The following AGO1 variants were observed in gnomAD, a reference collection of about 807,000 sequenced individuals.
The protein encoded by AGO1 is argonaute RISC component 1, also known as protein argonaute-1.
In AGO1, 11 loss-of-function variants were observed where a neutral mutation model predicts 109.2. The observed-to-expected ratio is 0.10, with a 90% confidence interval of 0.06 to 0.17. The LOEUF (loss-of-function observed/expected upper bound fraction) is 0.17, where lower values mean the gene tolerates loss of function less well. Among genes scored for constraint, AGO1 ranks in the 10% least tolerant of loss-of-function variants. The pLI is 1.00. For missense variants in AGO1, 574 were observed against 1,140.3 expected (o/e 0.50, Z 7.15); for synonymous variants, 422 against 418.6 (o/e 1.01, Z -0.10).
chr1:35,895,286 A>G lies in AGO1; in HGVS notation c.1020+17A>G. Reference sequence around the variant, plus strand: ...CCCCTAGAGGTGAGATTGCCAAGTAATGGCTGGGGAATAGGCATTGTATAT... The same window carrying G: ...CCCCTAGAGGTGAGATTGCCAAGTAGTGGCTGGGGAATAGGCATTGTATAT... On this transcript the variant is annotated intron_variant, in intron 8 of 18. Transcript: ENST00000373204. 1.2e-6 allele frequency: 2 copies of G among 1,609,132 alleles called. No individual in the cohort carries two copies. The highest frequency in any genetic ancestry group is 1.7e-6 in the Non-Finnish European group (2 of 1,177,218).
At chr1:35,878,726 C>T (rs998763592), upstream of AGO1, among the ~76,000 whole-genome samples, 1 of 152,172 alleles carries the variant, frequency 6.6e-6, no homozygotes, top group African/African-American at 2.4e-5. Flanking sequence ...ATACAAATCA[C>T]ATACATCTCA....
chr1:35,919,777 G>C lies in AGO1; in HGVS notation c.*170G>C, dbSNP rs1645799010. 2 of 598,208 alleles carry C rather than the reference G, an allele frequency of 3.3e-6. No homozygotes were observed. The highest frequency in any genetic ancestry group is 5.8e-6 in the Non-Finnish European group (2 of 343,208). The allele number at this position is 598,208 out of a possible 1,614,324, so 37.1% of individuals were successfully genotyped here. A position where few individuals can be genotyped will look rare whatever the true frequency, so the allele number is the denominator to read the frequency against. ...TAAGAGTGGGGAACAGGGCCAGCAA[G>C]ACAGACCACCAGCCAGAAATCTCTG... On this transcript the variant is annotated 3_prime_UTR_variant, in exon 19 of 19. Coordinates refer to ENST00000373204, the MANE Select transcript of AGO1 (RefSeq NM_012199.5). This position sits in a 1 kb window ranked among gnomAD's most constrained non-coding sequence, Gnocchi z 6.6.
At chr1:35,889,197 T>TC (rs1429259620) in intron 2 of AGO1, among the ~76,000 whole-genome samples, 1 of 151,424 alleles carries the variant, frequency 6.6e-6, no homozygotes, top group Non-Finnish European at 1.5e-5. Context: ...TTTTTTTTTT[T>TC]TTTTTTGAGA....
At chr1:35,889,345 G>T (rs1408088933) in intron 2 of AGO1, among the ~76,000 whole-genome samples, 1 of 151,518 alleles carries the variant, frequency 6.6e-6, no homozygotes, top group East Asian at 2.0e-4. Context: ...TCCTAACTGG[G>T]ATTACAGGCA....
At chr1:35,909,580 G>A (rs1455642452) in intron 12 of AGO1, among the ~76,000 whole-genome samples, 1 of 152,116 alleles carries the variant, frequency 6.6e-6, no homozygotes, top group South Asian at 2.1e-4. Context: ...TTAATACCCA[G>A]TTTAAATACT....
chr1:35,924,755 C>T lies in AGO1; in HGVS notation c.*5148C>T, dbSNP rs979226030. Reference sequence around the variant, plus strand: ...ATAGGAGTGTGTTGGGACATTCTGCCAGTCAAGATGGGGGTGACGGGGAGA... The same window carrying T: ...ATAGGAGTGTGTTGGGACATTCTGCTAGTCAAGATGGGGGTGACGGGGAGA... On this transcript the variant is annotated 3_prime_UTR_variant, in exon 19 of 19. Transcript: ENST00000373204. 1.3e-5 allele frequency: 2 copies of T among 152,130 alleles called. No individual in the cohort carries two copies. Among genetic ancestry groups the T allele is most frequent in the Non-Finnish European group, 2.9e-5 (2 of 68,054 alleles). 9.4% of individuals were successfully genotyped at this position (152,130 alleles called of 1,614,324 possible). A position where few individuals can be genotyped will look rare whatever the true frequency, so the allele number is the denominator to read the frequency against.
At position 35,902,017 on chromosome 1, in the gene AGO1, A is replaced by T. The variant is rs1645425456; in HGVS notation, c.1210A>T (p.Thr404Ser). 7 of 1,612,110 alleles carry T rather than the reference A, an allele frequency of 4.3e-6. No homozygotes were observed. Among genetic ancestry groups the T allele is most frequent in the Non-Finnish European group, 5.9e-6 (7 of 1,179,126 alleles). ...TGGGATCAAAGTGAAGGATGACATG[A>T]CGGAGGTGACAGGGCGAGTGCTGCC... ...EFGIKVKDDM[T>S]EVTGRVLPAP... Residue 404 changes from threonine (T) to serine (S), a missense_variant, in exon 10 of 19, where the codon ACG (threonine) becomes TCG (serine). This residue lies in a region of AGO1 where 106 missense variants were observed against 147.8 expected (regional missense o/e 0.72). Coordinates refer to ENST00000373204, the MANE Select transcript of AGO1 (RefSeq NM_012199.5).
At position 35,922,944 on chromosome 1, in the gene AGO1, G is replaced by A. The variant is rs1403969851; in HGVS notation, c.*3337G>A. On this transcript the variant is annotated 3_prime_UTR_variant, in exon 19 of 19. Coordinates refer to ENST00000373204, the MANE Select transcript of AGO1 (RefSeq NM_012199.5). ...GCCTGGCTTTTCTGAGATTGTCTTA[G>A]GGTTGAGCTATTTGGGTATCCTGGG... is the stretch of plus-strand genomic sequence containing the variant. The A allele has an allele frequency of 6.6e-6, 1 of 152,302 alleles. No individual in the cohort carries two copies. The highest frequency in any genetic ancestry group is 1.5e-5 in the Non-Finnish European group (1 of 68,148). 9.4% of individuals were successfully genotyped at this position (152,302 alleles called of 1,614,324 possible).
At chr1:35,889,661 T>A (rs1645181767) in intron 2 of AGO1, among the ~76,000 whole-genome samples, 1 of 152,028 alleles carries the variant, frequency 6.6e-6, no homozygotes, top group African/African-American at 2.4e-5. Context: ...TTACCTTTTT[T>A]TCTTTTTGAG....
intron 17 of AGO1, 30 bp downstream of exon 17, chr1:35,918,453 G>GT: frequency 6.5e-7 from 1 of 1,537,592 alleles, no homozygotes; most frequent in Non-Finnish European, 9.0e-7. Flanking sequence ...TGGTTCCAAT[G>GT]GGTCAAAGAT....
intron 2 of AGO1, among the ~76,000 whole-genome samples, chr1:35,890,908 G>A (rs1003122068): frequency 1.3e-5 from 2 of 152,126 alleles, no homozygotes; most frequent in South Asian, 2.1e-4. Context: ...TAAAAATAAT[G>A]TATGGAAGGG....
rs1423532922 is a variant in AGO1, at chr1:35,918,414, A to G, written c.2256A>G (p.Ala752=). ...FEFDFYLCSH[A]GIQGTSRPSH... The stretch of plus-strand genomic sequence containing the variant: ...TTGACTTCTATCTGTGCAGCCACGC[A>G]GGCATCCAGGTAGCTGGGCTTTATC... Residue 752 remains alanine, a synonymous_variant, in exon 17 of 19, where the codon GCA becomes GCG. Transcript: ENST00000373204. The G allele has an allele frequency of 1.2e-6, 2 of 1,613,478 alleles. No individual in the cohort carries two copies. The highest frequency in any genetic ancestry group is 8.5e-7 in the Non-Finnish European group (1 of 1,179,476).
rs538991257 is a variant in AGO1, at chr1:35,926,539, C to A, written c.*6932C>A. ...CGAAAGAGTTAGTGCAAGGAAAAGCCTAGTTGGAATTTCTGAGTCTGGGCC... is the reference window on the plus strand; with the variant it reads ...CGAAAGAGTTAGTGCAAGGAAAAGCATAGTTGGAATTTCTGAGTCTGGGCC... On this transcript the variant is annotated 3_prime_UTR_variant, in exon 19 of 19. Coordinates refer to ENST00000373204, the MANE Select transcript of AGO1 (RefSeq NM_012199.5). 2 of 152,292 alleles carry A rather than the reference C, an allele frequency of 1.3e-5. No homozygotes were observed. The highest frequency in any genetic ancestry group is 4.1e-4 in the South Asian group (2 of 4,828). The allele number at this position is 152,292 out of a possible 1,614,324, so 9.4% of individuals were successfully genotyped here. A position where few individuals can be genotyped will look rare whatever the true frequency, so the allele number is the denominator to read the frequency against.
At chr1:35,907,307 C>T (rs1435538838) in intron 12 of AGO1, among the ~76,000 whole-genome samples, 188 bp downstream of exon 12, 1 of 152,072 alleles carries the variant, frequency 6.6e-6, no homozygotes, top group African/African-American at 2.4e-5. Context: ...TAATTACCTG[C>T]ACACACTCCT....
chr1:35,905,104 T>C (rs1008122543), intron 11 of AGO1, among the ~76,000 whole-genome samples: 6 of 152,224 alleles, frequency 3.9e-5, no homozygotes, highest in African/African-American at 1.4e-4. Flanking sequence ...GCCCCCAGCA[T>C]TGGACACAGT....
Position 35,927,228 on chromosome 1 carries a change from A to C in AGO1, c.*7621A>C, listed in dbSNP as rs1211717696. 1 of 152,178 alleles carries C rather than the reference A, an allele frequency of 6.6e-6. No individual in the cohort carries two copies. The highest frequency in any genetic ancestry group is 1.5e-5 in the Non-Finnish European group (1 of 68,028). 9.4% of individuals were successfully genotyped at this position (152,178 alleles called of 1,614,324 possible). On this transcript the variant is annotated 3_prime_UTR_variant, in exon 19 of 19. Transcript: ENST00000373204. ...AGCATCTTTACATGCGAAATAGTTT[A>C]TCAGTTATCTTCAATTGCATATTAC...
intron 1 of AGO1, among the ~76,000 whole-genome samples, chr1:35,884,101 C>A (rs935579760): frequency 6.6e-6 from 1 of 152,086 alleles, no homozygotes; most frequent in Non-Finnish European, 1.5e-5. Flanking sequence ...CCCCCCGCCC[C>A]GCCCCGTTTG....
At chr1:35,870,418 G>A (rs1644939395) in intron 1 of AGO1, among the ~76,000 whole-genome samples, 1 of 152,040 alleles carries the variant, frequency 6.6e-6, no homozygotes, top group South Asian at 2.1e-4. Context: ...CGAGTAGCTG[G>A]GACTATAGGC....
Position 35,902,147 on chromosome 1 carries a change from C to T in AGO1, c.1264-57C>T, listed in dbSNP as rs544947338. ...GTTGTATAGCCAGGGGCTTTTGCTC[C>T]CCTACCCACCTGACTCTACTGAGGC... On this transcript the variant is annotated intron_variant, in intron 10 of 18. Coordinates refer to ENST00000373204, the MANE Select transcript of AGO1 (RefSeq NM_012199.5). 5.7e-6 allele frequency: 9 copies of T among 1,591,566 alleles called. No individual in the cohort carries two copies. The African/African-American group carries it at 1.2e-4, about 21-fold the overall frequency.
Sources: gnomAD v4.1 joint callset for allele counts (sites outside exome capture counted in the v4.1 genomes callset) on GRCh38, gnomAD v4.1.1 for gene constraint, gnomAD v4.1.1 regional missense constraint, Gnocchi (gnomAD v3.1) non-coding constraint, MANE v1.5 for transcripts, NCBI Gene and HGNC (gene_info 2026-07-23, HGNC 2026-07-21) for gene names.